PAK6: variants seen among roughly 807,000 people sequenced by gnomAD.
PAK6 encodes serine/threonine-protein kinase PAK 6.
PAK6 carries 33 observed loss-of-function variants against 60.8 expected under a neutral mutation model. The ratio of observed to expected loss-of-function variants is 0.54; its 90% confidence interval spans 0.41 to 0.73. The LOEUF (loss-of-function observed/expected upper bound fraction) is 0.73. PAK6 is among the 30% of genes least tolerant of loss of function. The pLI, the probability that PAK6 is intolerant of heterozygous loss-of-function variation, is 0.00. For synonymous variants in PAK6, 404 were observed against 378.5 expected, an observed-to-expected ratio of 1.07 and a Z score of -0.78; for missense variants, 845 against 904.1, an observed-to-expected ratio of 0.93 and a Z score of 0.84.
chr15:40,244,690 A>G (rs1272378618), intron 2 of PAK6, among the ~76,000 whole-genome samples: 1 of 152,018 alleles, frequency 6.6e-6, no homozygotes, highest in Non-Finnish European at 1.5e-5. Context: ...GAGCCACCAC[A>G]CCCAGCCTGC....
chr15:40,263,450 T>C (rs1401823282), intron 3 of PAK6, among the ~76,000 whole-genome samples: 1 of 152,104 alleles, frequency 6.6e-6, no homozygotes, highest in African/African-American at 2.4e-5. Context: ...GAGCAACCCT[T>C]TGGAAGTGTC....
chr15:40,272,265 A>C (rs1346231933), exon 6 of PAK6: 3 of 1,613,400 alleles, frequency 1.9e-6, no homozygotes, highest in Non-Finnish European at 1.7e-6. Flanking sequence ...ACAACCCCCC[A>C]AGCCTGGTGG....
At chr15:40,247,433 A>T (rs2038524775) in intron 2 of PAK6, 1 of 152,232 alleles carries the variant, frequency 6.6e-6, no homozygotes, top group South Asian at 2.1e-4. Flanking sequence ...AGGGTAGCCC[A>T]GGATGCACCT....
intron 2 of PAK6, among the ~76,000 whole-genome samples, chr15:40,241,338 G>A (rs987416559): frequency 4.6e-5 from 7 of 152,168 alleles, no homozygotes; most frequent in Admixed American, 1.3e-4. Flanking sequence ...GGTTTGTGCC[G>A]TTCTGCCTGG....
intron 5 of PAK6, 158 bp downstream of exon 5, chr15:40,266,653 G>C (rs2039147083): frequency 3.3e-6 from 2 of 601,836 alleles, no homozygotes; most frequent in Non-Finnish European, 5.4e-6. Flanking sequence ...CTCTAAGGAG[G>C]GTGGCTCGCC....
intron 5 of PAK6, among the ~76,000 whole-genome samples, chr15:40,267,432 T>C (rs1279129111): frequency 6.6e-6 from 1 of 152,134 alleles, no homozygotes; most frequent in Non-Finnish European, 1.5e-5. Context: ...CCAAGGTGGA[T>C]GGGTCACGAG....
chr15:40,266,562 G>A (rs1023413464), intron 5 of PAK6, 67 bp downstream of exon 5: 83 of 1,443,938 alleles, frequency 5.7e-5, no homozygotes, highest in Non-Finnish European at 7.7e-5. Flanking sequence ...GCCTTGCCTA[G>A]CCTTCCCCTT....
At chr15:40,244,811 G>A (rs977978862) in intron 2 of PAK6, 1 of 152,132 alleles carries the variant, frequency 6.6e-6, no homozygotes, top group Non-Finnish European at 1.5e-5. Flanking sequence ...TCTTGGGCTG[G>A]GGGAACTCAC....
rs540788245 is a variant in PAK6 at position 40,267,473 on chromosome 15, C to T, written c.858+978C>T. 1.8e-4 allele frequency among the ~76,000 whole-genome samples: 27 copies of T among 152,244 alleles called. No individual in the cohort carries two copies. The East Asian group carries it at 2.1e-3, about 12-fold the overall frequency. Reference sequence around the variant, plus strand: ...GAGATCGAGACCATCCTCGCTAACACGGTGAAACCCCGTCTCTACTAAAAA... The same window carrying T: ...GAGATCGAGACCATCCTCGCTAACATGGTGAAACCCCGTCTCTACTAAAAA... On this transcript the variant is annotated intron_variant, in intron 5 of 10. Coordinates refer to ENST00000560346, the Ensembl canonical transcript of PAK6.
intron 3 of PAK6, chr15:40,264,379 C>T (rs1257377033): frequency 2.2e-6 from 1 of 459,666 alleles, no homozygotes. Flanking sequence ...AGGTCATACT[C>T]GTTTCATAAA....
chr15:40,253,328 C>T (rs1173908880), intron 3 of PAK6, 39 bp downstream of exon 3: 1 of 453,230 alleles, frequency 2.2e-6, no homozygotes, highest in Admixed American at 2.4e-5. Context: ...GAGCCTTCTG[C>T]ACCCATTTTG....
At chr15:40,257,909 A>G (rs1241612601) in intron 3 of PAK6, among the ~76,000 whole-genome samples, 2 of 152,134 alleles carry the variant, frequency 1.3e-5, no homozygotes, top group African/African-American at 4.8e-5. Context: ...CATCCGCCAC[A>G]AAACTTACTC....
chr15:40,250,574 G>A (rs2038636714), intron 2 of PAK6: 1 of 152,150 alleles, frequency 6.6e-6, no homozygotes, highest in Non-Finnish European at 1.5e-5. Context: ...GTTTCCTAGA[G>A]TTATTCTCTA....
rs200514442 is a variant in PAK6, at chr15:40,273,697, C to A, written c.1743+21C>A. The A allele has an allele frequency of 2.5e-6, 4 of 1,608,776 alleles. No homozygotes were observed. In the African/African-American group the frequency reaches 5.4e-5, roughly 22 times the overall value. ...CTGAGGTAACCGTTCCCTCCACCCC[C>A]CAGACCTCCCAAAAGCAACTTGGCA... On this transcript the variant is annotated intron_variant, in intron 9 of 10. Transcript: ENST00000560346.
At position 40,272,835 on chromosome 15, in the gene PAK6, G is replaced by A. The variant is rs748345545; in HGVS notation, c.1357-31G>A. 3 of 1,609,874 alleles carry A rather than the reference G, an allele frequency of 1.9e-6. No homozygotes were observed. The South Asian group carries it at 3.3e-5, about 18-fold the overall frequency. ...GGGTGGCCATGCGTCTGGGCACTGT[G>A]CCTGGCACTCAGGCCCCCGCCTGCC... On this transcript the variant is annotated intron_variant, in intron 6 of 10. Coordinates refer to ENST00000560346, the Ensembl canonical transcript of PAK6.
At chr15:40,275,055 T>G (rs1195994036) in intron 10 of PAK6, among the ~76,000 whole-genome samples, 5 of 152,022 alleles carry the variant, frequency 3.3e-5, no homozygotes, top group Non-Finnish European at 1.5e-5. Context: ...ACCCCAAAAT[T>G]AGCATATAAA....
intron 2 of PAK6, among the ~76,000 whole-genome samples, chr15:40,241,182 C>A (rs1175326801): frequency 6.6e-6 from 1 of 152,212 alleles, no homozygotes; most frequent in African/African-American, 2.4e-5. Flanking sequence ...GGTCTCCCCA[C>A]CCCTGCTGCA....
chr15:40,273,758 C>T, intron 9 of PAK6, 82 bp downstream of exon 9: 3 of 1,528,274 alleles, frequency 2.0e-6, no homozygotes, highest in Non-Finnish European at 1.8e-6. Flanking sequence ...CTCCAGTGAG[C>T]TCACCAAAAG....
In PAK6 at chr15:40,241,195, G is replaced by A. The variant is rs114187578; in HGVS notation, c.-118+514G>A. Among the ~76,000 whole-genome samples, 797 of 152,346 alleles carry A rather than the reference G, an allele frequency of 5.2e-3. 6 individuals are homozygous for A. The highest frequency in any genetic ancestry group is 0.019 in the African/African-American group (770 of 41,578). ...TTGGTCTCCCCACCCCTGCTGCAGG[G>A]TGGATGACCTGGTCAGCTTTGGGGA... is the stretch of plus-strand genomic sequence containing the variant. On this transcript the variant is annotated intron_variant, in intron 2 of 10. Transcript: ENST00000560346.
Sources: allele counts gnomAD v4.1 joint callset (sites outside exome capture counted in the v4.1 genomes callset), GRCh38; gene constraint gnomAD v4.1.1; transcripts MANE v1.5; gene names NCBI Gene and HGNC (gene_info 2026-07-23, HGNC 2026-07-21).